The following PRKAR1A variants were observed in gnomAD, a reference collection of about 807,000 sequenced individuals.
PRKAR1A encodes cAMP-dependent protein kinase type I-alpha regulatory subunit.
A neutral mutation model predicts 52.0 loss-of-function variants in PRKAR1A; 3 were observed. That is an observed-to-expected ratio of 0.06 (90% CI 0.03 to 0.15). The LOEUF is 0.15. Ranked by LOEUF, PRKAR1A falls within the 10% of genes least tolerant of loss-of-function variation. The probability of loss-of-function intolerance (pLI) is 1.00; values close to 1 mark genes in which losing one functional copy is unlikely to be tolerated. For synonymous variants in PRKAR1A, 188 were observed against 168.4 expected (o/e 1.12, Z -0.90); for missense variants, 240 against 477.4 (o/e 0.50, Z 4.63).
At chr17:68,422,272 C>G in the PRKAR1A span, 1 of 161,618 alleles carries the variant, frequency 6.2e-6, no homozygotes, top group East Asian at 1.6e-4. Context: ...CTAAAAAATA[C>G]AAAAATTAGC....
At chr17:68,497,223 T>C in the PRKAR1A span, among the ~76,000 whole-genome samples, 1 of 152,228 alleles carries the variant, frequency 6.6e-6, no homozygotes, top group East Asian at 1.9e-4. Flanking sequence ...AGTCAACTTT[T>C]ATTGGAACAC....
chr17:68,475,066 A>G, the PRKAR1A span, among the ~76,000 whole-genome samples: 1 of 152,246 alleles, frequency 6.6e-6, no homozygotes, highest in Non-Finnish European at 1.5e-5. Context: ...CACTTTTAGC[A>G]TATAAATCGA....
chr17:68,445,977 C>T, the PRKAR1A span, among the ~76,000 whole-genome samples: 2 of 152,278 alleles, frequency 1.3e-5, no homozygotes, highest in Admixed American at 6.5e-5. Flanking sequence ...CACTGAGGCT[C>T]AAGAACCACT....
At chr17:68,486,412 CT>C in the PRKAR1A span, among the ~76,000 whole-genome samples, 32 of 135,698 alleles carry the variant, frequency 2.4e-4, no homozygotes, top group Non-Finnish European at 4.7e-4. Flanking sequence ...TTCTTTCTTT[CT>C]TTCCTTCCTT....
At chr17:68,424,411 G>C in the PRKAR1A span, 1 of 533,578 alleles carries the variant, frequency 1.9e-6, no homozygotes, top group Non-Finnish European at 3.9e-6. Flanking sequence ...CCACGGATCT[G>C]CGGGAGAAAG....
chr17:68,510,159 CAGAGAGAGAG>C (rs35144524), upstream of PRKAR1A, among the ~76,000 whole-genome samples: 129 of 127,632 alleles, frequency 1.0e-3, 1 homozygote, highest in Non-Finnish European at 1.5e-3. Flanking sequence ...TATATGTAGA[CAGAGAGAGAG>C]AGAGAGAGAG....
the PRKAR1A span, chr17:68,420,148 T>C: frequency 3.1e-6 from 5 of 1,605,602 alleles, no homozygotes; most frequent in Non-Finnish European, 2.6e-6. Flanking sequence ...ACAGGGCAAC[T>C]GTCAGGGTTA....
chr17:68,457,751 C>T, the PRKAR1A span, among the ~76,000 whole-genome samples: 4 of 151,990 alleles, frequency 2.6e-5, no homozygotes, highest in Non-Finnish European at 2.9e-5. Flanking sequence ...CAATCCGTGG[C>T]AGCTGTGGGC....
chr17:68,465,957 T>G, the PRKAR1A span, among the ~76,000 whole-genome samples: 1 of 152,082 alleles, frequency 6.6e-6, no homozygotes, highest in Non-Finnish European at 1.5e-5. Flanking sequence ...GTGCTTGCTG[T>G]GGGTGGAGGT....
chr17:68,454,447 C>T, the PRKAR1A span, among the ~76,000 whole-genome samples: 1 of 152,148 alleles, frequency 6.6e-6, no homozygotes, highest in Non-Finnish European at 1.5e-5. Flanking sequence ...TTTGTTCTTC[C>T]CTGGGACACA....
At chr17:68,463,996 G>A in the PRKAR1A span, among the ~76,000 whole-genome samples, 1,043 of 152,294 alleles carry the variant, frequency 6.8e-3, 14 homozygotes, top group African/African-American at 0.024. Context: ...TTTAAAGATA[G>A]ATTCCCTTTC....
chr17:68,494,605 A>C, the PRKAR1A span, among the ~76,000 whole-genome samples: 1 of 152,130 alleles, frequency 6.6e-6, no homozygotes, highest in Non-Finnish European at 1.5e-5. Context: ...GGTAAGTTAT[A>C]AAAAGCCATG....
chr17:68,426,238 C>CGGGAGGGGGGGGGG, the PRKAR1A span: 1 of 615,200 alleles, frequency 1.6e-6, no homozygotes, highest in Non-Finnish European at 2.3e-6. Flanking sequence ...CATGACCTGG[C>CGGGAGGGGGGGGGG]GGGTGGGGAG....
At chr17:68,457,249 G>C in the PRKAR1A span, 1 of 1,452,786 alleles carries the variant, frequency 6.9e-7, no homozygotes, top group Middle Eastern at 1.8e-4. Flanking sequence ...AGGCCGCCTC[G>C]AGGCGGAAGC....
the PRKAR1A span, among the ~76,000 whole-genome samples, chr17:68,418,830 C>T: frequency 0.038 from 5,727 of 152,244 alleles, 370 homozygotes; most frequent in African/African-American, 0.13. Flanking sequence ...AAAAGCTCTG[C>T]TTCTCCTGAG....
In PRKAR1A at chr17:68,515,683, A is replaced by T. The variant is rs991966174; in HGVS notation, c.177+107A>T. The T allele has an allele frequency of 3.0e-6, 4 of 1,326,834 alleles. No homozygotes were observed. The South Asian group carries it at 3.9e-5, about 13-fold the overall frequency. The allele number at this position is 1,326,834 out of a possible 1,614,324, so 82.2% of individuals were successfully genotyped here. The stretch of plus-strand genomic sequence containing the variant: ...TTTGGAAGAAAAGGAATCTGACTAA[A>T]TAAAAAGTCTAAAACAATTTCAAAT... On this transcript the variant is annotated intron_variant, in intron 2 of 10. Coordinates refer to ENST00000589228, the MANE Select transcript of PRKAR1A (RefSeq NM_002734.5).
chr17:68,435,464 A>G, the PRKAR1A span, among the ~76,000 whole-genome samples: 1 of 152,230 alleles, frequency 6.6e-6, no homozygotes, highest in Non-Finnish European at 1.5e-5. Context: ...TATACCACAC[A>G]TGCAGAGGCC....
chr17:68,430,419 T>G, the PRKAR1A span, among the ~76,000 whole-genome samples: 2 of 152,166 alleles, frequency 1.3e-5, no homozygotes, highest in East Asian at 3.8e-4. Context: ...TTTCCCCTAT[T>G]AAAGAAGGCT....
chr17:68,430,200 AG>A, the PRKAR1A span: 7 of 1,578,336 alleles, frequency 4.4e-6, no homozygotes, highest in Non-Finnish European at 6.0e-6. Flanking sequence ...ACTGGGCTGC[AG>A]GCCCCACACG....
Sources: allele counts gnomAD v4.1 joint callset (sites outside exome capture counted in the v4.1 genomes callset), GRCh38; gene constraint gnomAD v4.1.1; transcripts MANE v1.5; gene names NCBI Gene and HGNC (gene_info 2026-07-23, HGNC 2026-07-21).